Variants in TRIQK observed in about 807,000 individuals in gnomAD.
TRIQK encodes triple QxxK/R motif containing.
Under a neutral mutation model 10.8 loss-of-function variants are expected in TRIQK, and 10 were observed. The observed-to-expected ratio is 0.92, with a 90% CI of 0.57 to 1.57. The LOEUF (loss-of-function observed/expected upper bound fraction) is 1.57, where lower values mean the gene tolerates loss of function less well. Among genes scored for constraint, TRIQK ranks in the 40% most tolerant of loss-of-function variants. TRIQK has a pLI of 0.00. For missense variants in TRIQK, 107 were observed against 97.7 expected, an observed-to-expected ratio of 1.09 and a Z score of -0.40; for synonymous variants, 33 against 33.7, an observed-to-expected ratio of 0.98 and a Z score of 0.07.
intron 3 of TRIQK, among the ~76,000 whole-genome samples, 179 bp from the exon 4 acceptor site, chr8:92,892,253 CT>C (rs1332131223): frequency 1.3e-5 from 2 of 151,854 alleles, no homozygotes; most frequent in Non-Finnish European, 2.9e-5. Flanking sequence ...TTCTCTCTTA[CT>C]TTTTCAGGAA....
Position 92,884,571 on chromosome 8 carries a change from T to TC in TRIQK, c.*2050dup. On this transcript the variant is annotated 3_prime_UTR_variant, in exon 5 of 5. Transcript: ENST00000521988. ...GATTAATAGTTATCAAAAACATTTT[T>TC]CCCCAAAAAATACCTCAAGGGTAAA... 1 of 320,226 alleles carries TC rather than the reference T, an allele frequency of 3.1e-6. No homozygotes were observed. The highest frequency in any genetic ancestry group is 6.1e-6 in the Non-Finnish European group (1 of 162,802). The allele number at this position is 320,226 out of a possible 1,614,324, so 19.8% of individuals were successfully genotyped here.
intron 3 of TRIQK, among the ~76,000 whole-genome samples, chr8:92,915,464 C>G (rs1809779870): frequency 6.6e-6 from 1 of 151,722 alleles, no homozygotes; most frequent in South Asian, 2.1e-4. Flanking sequence ...ATGTTGTACA[C>G]CTTAAATACG....
At chr8:93,002,869 G>A (rs1000542202) in intron 1 of TRIQK, among the ~76,000 whole-genome samples, 13 of 150,996 alleles carry the variant, frequency 8.6e-5, no homozygotes, top group Non-Finnish European at 1.6e-4. Flanking sequence ...GCAGTGACCC[G>A]AGATCCTGCC....
At chr8:92,926,919 C>T (rs1810475811) in intron 2 of TRIQK, among the ~76,000 whole-genome samples, 1 of 152,092 alleles carries the variant, frequency 6.6e-6, no homozygotes. Flanking sequence ...GGTGCAGTCA[C>T]TTGTGCCTGT....
chr8:92,901,649 A>C (rs2130348622), intron 3 of TRIQK, among the ~76,000 whole-genome samples: 1 of 152,206 alleles, frequency 6.6e-6, no homozygotes, highest in African/African-American at 2.4e-5. Flanking sequence ...TTGGTTTACC[A>C]GAATTTGGTT....
At chr8:92,995,970 A>T (rs1214564258) in intron 1 of TRIQK, among the ~76,000 whole-genome samples, 3 of 152,104 alleles carry the variant, frequency 2.0e-5, no homozygotes, top group Non-Finnish European at 2.9e-5. Flanking sequence ...TTCTTGTGAG[A>T]AAGTGATATG....
rs114641823 is a variant in TRIQK at position 92,885,312 on chromosome 8, C to T, written c.*1310G>A. On this transcript the variant is annotated 3_prime_UTR_variant, in exon 5 of 5. Transcript: ENST00000521988. ...AGCCCCATATACTCCTTAGATATTT[C>T]CCAAGGATTTCTTCTCTTGGCTAGC... is the stretch of plus-strand genomic sequence containing the variant. The T allele has an allele frequency of 7.3e-3, 1,455 of 198,642 alleles. 23 individuals are homozygous for T. The highest frequency in any genetic ancestry group is 0.032 in the African/African-American group (1,382 of 43,034). 12.3% of individuals were successfully genotyped at this position (198,642 alleles called of 1,614,324 possible).
chr8:92,929,053 G>A (rs1296902598), intron 2 of TRIQK, among the ~76,000 whole-genome samples: 1 of 152,154 alleles, frequency 6.6e-6, no homozygotes, highest in Non-Finnish European at 1.5e-5. Flanking sequence ...GGGGCAATGA[G>A]GCAGAGGAAA....
chr8:92,917,360 A>C (rs144142331), intron 2 of TRIQK, among the ~76,000 whole-genome samples: 39 of 152,098 alleles, frequency 2.6e-4, no homozygotes, highest in African/African-American at 9.4e-4. Context: ...CAACATGCTT[A>C]TTTCCAAGTA....
At chr8:92,972,782 C>T (rs1313371593) in intron 1 of TRIQK, 2 of 152,316 alleles carry the variant, frequency 1.3e-5, no homozygotes, top group East Asian at 3.9e-4. Context: ...AGACCTGTCA[C>T]TCAGGGCCAG....
At chr8:92,988,577 T>C (rs1256803007) in intron 1 of TRIQK, among the ~76,000 whole-genome samples, 1 of 152,308 alleles carries the variant, frequency 6.6e-6, no homozygotes, top group East Asian at 1.9e-4. Flanking sequence ...TCCACTCATC[T>C]CCTAAATTAT....
intron 1 of TRIQK, among the ~76,000 whole-genome samples, chr8:92,994,730 A>AGAGGTG (rs1813135205): frequency 2.0e-5 from 3 of 151,764 alleles, no homozygotes; most frequent in Non-Finnish European, 4.4e-5. Context: ...ACCAGATACC[A>AGAGGTG]CCTCTGACCT....
intron 3 of TRIQK, among the ~76,000 whole-genome samples, chr8:92,910,599 T>C (rs1809517932): frequency 6.6e-6 from 1 of 151,000 alleles, no homozygotes; most frequent in Non-Finnish European, 1.5e-5. Context: ...AAATCAATTA[T>C]ATCATTAATT....
intron 1 of TRIQK, among the ~76,000 whole-genome samples, chr8:93,000,491 G>A (rs1813198928): frequency 1.3e-5 from 2 of 152,214 alleles, no homozygotes; most frequent in African/African-American, 4.8e-5. Context: ...CCTGGGAAAA[G>A]CCTGTTCCAA....
At chr8:93,017,155 G>C (rs1422636206) in intron 1 of TRIQK, among the ~76,000 whole-genome samples, 2 of 105,518 alleles carry the variant, frequency 1.9e-5, no homozygotes, top group East Asian at 3.0e-4. Context: ...GAGAGAGAGA[G>C]AGAGAGAGAG....
intron 2 of TRIQK, among the ~76,000 whole-genome samples, chr8:92,931,409 T>C (rs1311352072): frequency 6.6e-6 from 1 of 152,136 alleles, no homozygotes; most frequent in Non-Finnish European, 1.5e-5. Flanking sequence ...ATGCATGTGC[T>C]CTGTCAATCT....
intron 3 of TRIQK, among the ~76,000 whole-genome samples, chr8:92,894,667 C>G (rs1320051983): frequency 2.0e-5 from 3 of 152,090 alleles, no homozygotes; most frequent in Non-Finnish European, 4.4e-5. Flanking sequence ...TCCTTAGGAA[C>G]AGGTTCTACT....
intron 1 of TRIQK, among the ~76,000 whole-genome samples, chr8:92,988,155 C>A (rs537406439): frequency 1.3e-4 from 19 of 151,510 alleles, no homozygotes; most frequent in African/African-American, 4.6e-4. Context: ...GGACTACAGG[C>A]GCCCACCACC....
chr8:92,896,820 C>CTTTTTTTTTTTTTTTT (rs554330610), intron 3 of TRIQK, among the ~76,000 whole-genome samples: 1 of 141,058 alleles, frequency 7.1e-6, no homozygotes. Flanking sequence ...CTTTTTCTTT[C>CTTTTTTTTTTTTTTTT]TTTTTTTTTT....
Sources: allele counts gnomAD v4.1 joint callset (sites outside exome capture counted in the v4.1 genomes callset), GRCh38; gene constraint gnomAD v4.1.1; transcripts MANE v1.5; gene names NCBI Gene and HGNC (gene_info 2026-07-23, HGNC 2026-07-21).